ZDHHC3: variants seen among roughly 807,000 people sequenced by gnomAD.
ZDHHC3 encodes zDHHC palmitoyltransferase 3, also known as palmitoyltransferase ZDHHC3.
A neutral mutation model predicts 30.6 loss-of-function variants in ZDHHC3; 9 were observed. The ratio of observed to expected loss-of-function variants is 0.29; its 90% CI spans 0.18 to 0.51. ZDHHC3 has a LOEUF of 0.51. Among genes scored for constraint, ZDHHC3 ranks in the 20% least tolerant of loss-of-function variants. The pLI, the probability that ZDHHC3 is intolerant of heterozygous loss-of-function variation, is 0.97. For missense variants in ZDHHC3, 246 were observed against 384.2 expected (o/e 0.64, Z 3.01); for synonymous variants, 136 against 140.2 (o/e 0.97, Z 0.21).
rs150873824 is a variant in ZDHHC3 at position 44,959,374 on chromosome 3, T to C, written c.63A>G (p.Pro21=). ...NIERKPEYLQ[P]EKCVPPPYPG... Reference sequence around the variant, plus strand: ...GGTAGGGGGGTGGGACACACTTCTCTGGCTGGAGGTATTCTGGTTTCCGCT... The same window carrying C: ...GGTAGGGGGGTGGGACACACTTCTCCGGCTGGAGGTATTCTGGTTTCCGCT... Residue 21 remains proline (P), a synonymous_variant, in exon 2 of 7, where the codon CCA becomes CCG. Transcript: ENST00000424952. The surrounding 1 kb of genome is among the most constrained non-coding windows in gnomAD (Gnocchi z 4.3). 147 of 1,614,250 alleles carry C rather than the reference T, an allele frequency of 9.1e-5. No homozygotes were observed. In the African/African-American group the frequency reaches 1.6e-3, roughly 18 times the overall value.
In ZDHHC3 at chr3:44,919,625, G is replaced by C. The variant is rs903668077; in HGVS notation, c.*7064C>G. ...CTAAGGAGACATCGCAAATGATGCA[G>C]TGTGGGATCCTGGAACAGAAAAGGG... On this transcript the variant is annotated 3_prime_UTR_variant, in exon 7 of 7. Coordinates refer to ENST00000424952, the MANE Select transcript of ZDHHC3 (RefSeq NM_001135179.2). 7.2e-5 allele frequency among the ~76,000 whole-genome samples: 11 copies of C among 152,244 alleles called. No individual in the cohort carries two copies. Among genetic ancestry groups the C allele is most frequent in the Non-Finnish European group, 1.3e-4 (9 of 68,040 alleles).
Position 44,917,739 on chromosome 3 carries a change from G to A in ZDHHC3, c.*8950C>T, listed in dbSNP as rs1460640533. On this transcript the variant is annotated 3_prime_UTR_variant, in exon 7 of 7. Transcript: ENST00000424952. The stretch of plus-strand genomic sequence containing the variant: ...ACCCCCAGACCTGGCCCAACATGGA[G>A]AGAAGAAGGAGGGGAAATGGCAAGG... The A allele has an allele frequency of 7.7e-6, 7 of 907,684 alleles. No individual in the cohort carries two copies. Among genetic ancestry groups the A allele is most frequent in the Non-Finnish European group, 1.0e-5 (7 of 677,746 alleles). 56.2% of individuals were successfully genotyped at this position (907,684 alleles called of 1,614,324 possible).
chr3:44,924,769 G>T lies in ZDHHC3; in HGVS notation c.*1920C>A. 1 of 985,398 alleles carries T rather than the reference G, an allele frequency of 1.0e-6. No homozygotes were observed. Among genetic ancestry groups the T allele is most frequent in the Non-Finnish European group, 1.2e-6 (1 of 829,912 alleles). The allele number at this position is 985,398 out of a possible 1,614,324, so 61.0% of individuals were successfully genotyped here. A position where few individuals can be genotyped will look rare whatever the true frequency, so the allele number is the denominator to read the frequency against. On this transcript the variant is annotated 3_prime_UTR_variant, in exon 7 of 7. Coordinates refer to ENST00000424952, the MANE Select transcript of ZDHHC3 (RefSeq NM_001135179.2). Reference sequence around the variant, plus strand: ...TTTCATACACCTAACTGAGCTGTATGTTATGAAAAAATTTTAAAAAAGCAT... The same window carrying T: ...TTTCATACACCTAACTGAGCTGTATTTTATGAAAAAATTTTAAAAAAGCAT...
Position 44,918,055 on chromosome 3 carries a change from G to C in ZDHHC3, c.*8634C>G. On this transcript the variant is annotated 3_prime_UTR_variant, in exon 7 of 7. Coordinates refer to ENST00000424952, the MANE Select transcript of ZDHHC3 (RefSeq NM_001135179.2). Reference sequence around the variant, plus strand: ...GGAGAAGGGGTTGAACCAGTTCAGGGAGAAGTCCCCACCAAAGGTCTCCTT... The same window carrying C: ...GGAGAAGGGGTTGAACCAGTTCAGGCAGAAGTCCCCACCAAAGGTCTCCTT... 2 of 1,305,430 alleles carry C rather than the reference G, an allele frequency of 1.5e-6. No homozygotes were observed. Among genetic ancestry groups the C allele is most frequent in the African/African-American group, 3.0e-5 (2 of 65,988 alleles). 80.9% of individuals were successfully genotyped at this position (1,305,430 alleles called of 1,614,324 possible). A position where few individuals can be genotyped will look rare whatever the true frequency, so the allele number is the denominator to read the frequency against.
At chr3:44,968,463 C>T (rs778042655) in intron 1 of ZDHHC3, among the ~76,000 whole-genome samples, 8 of 152,102 alleles carry the variant, frequency 5.3e-5, no homozygotes, top group Non-Finnish European at 1.0e-4. Flanking sequence ...GGGAGACCCA[C>T]GCAGACAGAT....
chr3:44,924,164 C>G lies in ZDHHC3; in HGVS notation c.*2525G>C, dbSNP rs1233574697. 5 of 985,282 alleles carry G rather than the reference C, an allele frequency of 5.1e-6. No homozygotes were observed. The highest frequency in any genetic ancestry group is 6.0e-6 in the Non-Finnish European group (5 of 829,928). The allele number at this position is 985,282 out of a possible 1,614,324, so 61.0% of individuals were successfully genotyped here. A position where few individuals can be genotyped will look rare whatever the true frequency, so the allele number is the denominator to read the frequency against. On this transcript the variant is annotated 3_prime_UTR_variant, in exon 7 of 7. Transcript: ENST00000424952. ...ACTATCAGAACTCCTGTGACCAAGCCAAAAGTTGGGGCTGACTTTGTGTAG... is the reference window on the plus strand; with the variant it reads ...ACTATCAGAACTCCTGTGACCAAGCGAAAAGTTGGGGCTGACTTTGTGTAG...
rs1249431949 is a variant in ZDHHC3 at position 44,920,784 on chromosome 3, C to T, written c.*5905G>A. 2.0e-6 allele frequency: 2 copies of T among 985,322 alleles called. No homozygotes were observed. Among genetic ancestry groups the T allele is most frequent in the East Asian group, 2.3e-4 (2 of 8,832 alleles). 61.0% of individuals were successfully genotyped at this position (985,322 alleles called of 1,614,324 possible). On this transcript the variant is annotated 3_prime_UTR_variant, in exon 7 of 7. Transcript: ENST00000424952. ...GCACTCTTGGATTATACTCAACCTCCTCACCAACCTCATAAAGTATTCCAG... is the reference window on the plus strand; with the variant it reads ...GCACTCTTGGATTATACTCAACCTCTTCACCAACCTCATAAAGTATTCCAG...
chr3:44,936,522 T>C (rs938182788), intron 3 of ZDHHC3, among the ~76,000 whole-genome samples: 1 of 152,210 alleles, frequency 6.6e-6, no homozygotes, highest in African/African-American at 2.4e-5. Context: ...CCTAAGGGAA[T>C]AGAAATCCTT....
At position 44,918,230 on chromosome 3, in the gene ZDHHC3, T is replaced by TG; in HGVS notation, c.*8458dup. The TG allele has an allele frequency of 2.7e-6, 2 of 750,266 alleles. No homozygotes were observed. Among genetic ancestry groups the TG allele is most frequent in the Non-Finnish European group, 3.3e-6 (2 of 603,494 alleles). The allele number at this position is 750,266 out of a possible 1,614,324, so 46.5% of individuals were successfully genotyped here. ...GACACCCCCAGCTATAGCATAGCAG[T>TG]GGCGGGGGGGGGGGCGGGGTGTCCA... On this transcript the variant is annotated 3_prime_UTR_variant, in exon 7 of 7. Transcript: ENST00000424952.
At chr3:44,949,389 C>T (rs916965938) in intron 2 of ZDHHC3, among the ~76,000 whole-genome samples, 2 of 151,898 alleles carry the variant, frequency 1.3e-5, no homozygotes, top group African/African-American at 4.8e-5. Context: ...CTTGGGAGGC[C>T]AAGGTGGGAG....
At chr3:44,969,207 T>C (rs996694847) in intron 1 of ZDHHC3, among the ~76,000 whole-genome samples, 2 of 152,166 alleles carry the variant, frequency 1.3e-5, no homozygotes, top group Non-Finnish European at 2.9e-5. Flanking sequence ...TCTGTGAGGG[T>C]AGGCTCCAGT....
chr3:44,975,331 C>G (rs886842220), intron 1 of ZDHHC3: 1 of 152,202 alleles, frequency 6.6e-6, no homozygotes, highest in Admixed American at 6.5e-5. Context: ...TTTTTTCGGG[C>G]AACTGCTCAC....
At chr3:44,947,846 T>C (rs1703085273) in intron 2 of ZDHHC3, among the ~76,000 whole-genome samples, 1 of 151,886 alleles carries the variant, frequency 6.6e-6, no homozygotes, top group Non-Finnish European at 1.5e-5. Flanking sequence ...TGACACAAAG[T>C]GAAAGGTAAA....
At chr3:44,933,777 G>T in intron 4 of ZDHHC3, 111 bp downstream of exon 4, 1 of 978,692 alleles carries the variant, frequency 1.0e-6, no homozygotes. Context: ...GAGATCTACA[G>T]GGCCAGGCAG....
intron 1 of ZDHHC3, among the ~76,000 whole-genome samples, chr3:44,970,851 T>C (rs1216676805): frequency 6.6e-6 from 1 of 152,228 alleles, no homozygotes; most frequent in African/African-American, 2.4e-5. Context: ...TTAAACATGG[T>C]CATTTTTCAA....
Position 44,920,344 on chromosome 3 carries a change from A to G in ZDHHC3, c.*6345T>C. The G allele has an allele frequency of 1.6e-6, 2 of 1,289,716 alleles. No individual in the cohort carries two copies. Among genetic ancestry groups the G allele is most frequent in the South Asian group, 2.5e-5 (2 of 81,016 alleles). 79.9% of individuals were successfully genotyped at this position (1,289,716 alleles called of 1,614,324 possible). A position where few individuals can be genotyped will look rare whatever the true frequency, so the allele number is the denominator to read the frequency against. ...CTGGGTGATCATCTGCAGCCTGTTG[A>G]GAAAGAGGCTTTAACTTCATAGCAC... On this transcript the variant is annotated 3_prime_UTR_variant, in exon 7 of 7. Coordinates refer to ENST00000424952, the MANE Select transcript of ZDHHC3 (RefSeq NM_001135179.2).
At chr3:44,930,686 G>C (rs1426011593) in intron 5 of ZDHHC3, among the ~76,000 whole-genome samples, 3 of 152,236 alleles carry the variant, frequency 2.0e-5, no homozygotes, top group African/African-American at 7.2e-5. Context: ...GTGGGTGACA[G>C]GTAAGAAACA....
intron 3 of ZDHHC3, among the ~76,000 whole-genome samples, chr3:44,943,371 C>T (rs370840044): frequency 6.6e-6 from 1 of 152,126 alleles, no homozygotes; most frequent in South Asian, 2.1e-4. Context: ...GCAGCAATCC[C>T]GATTTCCAGG....
chr3:44,955,987 T>C (rs1559705561), intron 2 of ZDHHC3, among the ~76,000 whole-genome samples: 1 of 152,240 alleles, frequency 6.6e-6, no homozygotes, highest in Non-Finnish European at 1.5e-5. Context: ...AATACACCTC[T>C]GGGAAGCTAA....
Sources: gnomAD v4.1 joint callset for allele counts (sites outside exome capture counted in the v4.1 genomes callset) on GRCh38, gnomAD v4.1.1 for gene constraint, Gnocchi (gnomAD v3.1) non-coding constraint, MANE v1.5 for transcripts, NCBI Gene and HGNC (gene_info 2026-07-23, HGNC 2026-07-21) for gene names.